The following STS variants were observed in gnomAD, a reference collection of about 807,000 sequenced individuals.
The protein encoded by STS is steroid sulfatase, also known as steryl-sulfatase.
Under a neutral mutation model 26.8 loss-of-function variants are expected in STS, and 7 were observed. The observed-to-expected ratio is 0.26, with a 90% CI of 0.15 to 0.49. The LOEUF is 0.49. Ranked by LOEUF, STS falls within the 20% of genes least tolerant of loss-of-function variation. The pLI, the probability that STS is intolerant of heterozygous loss-of-function variation, is 0.98. For synonymous variants in STS, 199 were observed against 189.4 expected, an observed-to-expected ratio of 1.05 and a Z score of -0.42; for missense variants, 434 against 465.6, an observed-to-expected ratio of 0.93 and a Z score of 0.63.
chrX:7,165,032 G>A (rs1933322632), intron 1 of STS, among the ~76,000 whole-genome samples: 1 of 109,903 alleles, frequency 9.1e-6, no homozygotes, highest in African/African-American at 3.3e-5. Context: ...TCTCAACAAT[G>A]AAAAATAAAC....
At position 7,215,110 on chromosome X, in the gene STS, CATATAT is replaced by C. The variant is rs201908881; in HGVS notation, c.-5+24104_-5+24109del. On this transcript the variant is annotated intron_variant, in intron 2 of 10. Transcript: ENST00000674429. ...ACGTATATATGTGTATATATATACA[CATATAT>C]ACACACACACACACACACACACATA... 3.3e-4 allele frequency among the ~76,000 whole-genome samples: 26 copies of C among 79,187 alleles called. 1 individual carries two copies. In the East Asian group the frequency reaches 9.8e-3, roughly 30 times the overall value. 68.8% of individuals were successfully genotyped at this position (79,187 alleles called of 115,157 possible). A position where few individuals can be genotyped will look rare whatever the true frequency, so the allele number is the denominator to read the frequency against.
At chrX:7,205,598 CT>C (rs201562743) in intron 2 of STS, among the ~76,000 whole-genome samples, 2 of 90,173 alleles carry the variant, frequency 2.2e-5, no homozygotes, top group South Asian at 5.0e-4. Context: ...TTTTCTTTTT[CT>C]TTTTCTTTTC....
chrX:7,205,778 G>A (rs781622849), intron 2 of STS, among the ~76,000 whole-genome samples: 1 of 108,052 alleles, frequency 9.3e-6, no homozygotes, highest in African/African-American at 3.4e-5. Flanking sequence ...ACCATACCTG[G>A]CTAATTAAAA....
chrX:7,260,729 A>G (rs1309429977), intron 6 of STS, among the ~76,000 whole-genome samples: 1 of 112,056 alleles, frequency 8.9e-6, no homozygotes, highest in Non-Finnish European at 1.9e-5. Flanking sequence ...TTTAATTTTC[A>G]AATGTGGCCA....
chrX:7,251,294 CTCAGAGAGTA>C (rs1453488990), intron 2 of STS, among the ~76,000 whole-genome samples: 2 of 111,836 alleles, frequency 1.8e-5, no homozygotes, highest in Non-Finnish European at 3.8e-5. Context: ...CAATAGGAAA[CTCAGAGAGTA>C]TGTTCAAAGA....
At chrX:7,215,632 T>G (rs1167211266) in intron 2 of STS, among the ~76,000 whole-genome samples, 6 of 111,489 alleles carry the variant, frequency 5.4e-5, no homozygotes, top group African/African-American at 2.0e-4. Flanking sequence ...ATAGGCTGTC[T>G]TGCCTTTTCT....
At chrX:7,211,975 C>A (rs1921051096) in intron 2 of STS, among the ~76,000 whole-genome samples, 1 of 112,222 alleles carries the variant, frequency 8.9e-6, no homozygotes, top group African/African-American at 3.2e-5. Context: ...TCGGGACTTC[C>A]TGCTGCAGAT....
chrX:7,212,966 A>G (rs1283107784), intron 2 of STS, among the ~76,000 whole-genome samples: 1 of 111,541 alleles, frequency 9.0e-6, no homozygotes, highest in Non-Finnish European at 1.9e-5. Context: ...CTTAGTTGAG[A>G]CACTCTCCTG....
chrX:7,235,624 T>C (rs1480095852), intron 2 of STS, among the ~76,000 whole-genome samples: 1 of 111,537 alleles, frequency 9.0e-6, no homozygotes, highest in Non-Finnish European at 1.9e-5. Flanking sequence ...TTTTTAAAAA[T>C]TGGCCAGACA....
chrX:7,204,998 G>GC (rs1382037746), intron 2 of STS, among the ~76,000 whole-genome samples: 29 of 111,576 alleles, frequency 2.6e-4, no homozygotes, highest in African/African-American at 7.8e-4. Flanking sequence ...CTGCTTTGTG[G>GC]CCCCACATGG....
At chrX:7,343,801 C>G (rs1928402506) in intron 10 of STS, among the ~76,000 whole-genome samples, 1 of 112,340 alleles carries the variant, frequency 8.9e-6, no homozygotes, top group Admixed American at 9.4e-5. Flanking sequence ...GCAAGTCTCA[C>G]ATAGCATCAG....
chrX:7,228,657 T>C (rs188392592), intron 2 of STS, among the ~76,000 whole-genome samples: 5 of 112,273 alleles, frequency 4.5e-5, no homozygotes, highest in Admixed American at 9.5e-5. Context: ...GGAAATACTT[T>C]CTCCCCTTCC....
chrX:7,183,347 G>A (rs1367848741), intron 1 of STS, among the ~76,000 whole-genome samples: 1 of 111,492 alleles, frequency 9.0e-6, no homozygotes, highest in Non-Finnish European at 1.9e-5. Context: ...CAACCTCGTG[G>A]ACAATGGAAA....
chrX:7,266,281 CTG>C (rs1293621435), intron 6 of STS, among the ~76,000 whole-genome samples: 2 of 111,991 alleles, frequency 1.8e-5, no homozygotes, highest in South Asian at 3.7e-4. Flanking sequence ...TTTCTCTACA[CTG>C]TGTTACTGAT....
chrX:7,252,662 C>CATCCT (rs1376190458), intron 2 of STS, among the ~76,000 whole-genome samples: 3 of 111,798 alleles, frequency 2.7e-5, no homozygotes, highest in Non-Finnish European at 5.6e-5. Context: ...TTCAAGCCAC[C>CATCCT]ATCCTCCCCA....
At chrX:7,209,421 ATACT>A (rs1254004797) in intron 2 of STS, among the ~76,000 whole-genome samples, 3 of 106,219 alleles carry the variant, frequency 2.8e-5, no homozygotes, top group African/African-American at 1.0e-4. Flanking sequence ...ATATATTTTT[ATACT>A]TACTATTATA....
At chrX:7,257,435 G>A (rs1923475292) in intron 4 of STS, 31 bp from the exon 5 acceptor site, 7 of 1,212,097 alleles carry the variant, frequency 5.8e-6, no homozygotes, top group African/African-American at 5.2e-5. Context: ...GTATCTCCTG[G>A]TTCCTAAGGG....
intron 1 of STS, among the ~76,000 whole-genome samples, chrX:7,151,728 T>C (rs1933016086): frequency 9.0e-6 from 1 of 111,167 alleles, no homozygotes; most frequent in Non-Finnish European, 1.9e-5. Context: ...AGTTTGCTTC[T>C]CTGCAGTGTT....
intron 2 of STS, among the ~76,000 whole-genome samples, chrX:7,223,748 C>T (rs949638697): frequency 9.9e-5 from 11 of 111,353 alleles, no homozygotes; most frequent in Non-Finnish European, 2.1e-4. Context: ...TGTGCAGAAG[C>T]TTTTTAGTTT....
Sources: gnomAD v4.1 joint callset for allele counts (sites outside exome capture counted in the v4.1 genomes callset) on GRCh38, gnomAD v4.1.1 for gene constraint, MANE v1.5 for transcripts, NCBI Gene and HGNC (gene_info 2026-07-23, HGNC 2026-07-21) for gene names.